The following ST6GALNAC3 variants were observed in gnomAD, a reference collection of about 807,000 sequenced individuals.
The protein encoded by ST6GALNAC3 is alpha-N-acetylgalactosaminide alpha-2,6-sialyltransferase 3.
ST6GALNAC3 carries 25 observed loss-of-function variants against 32.7 expected under a neutral mutation model. That is an observed-to-expected ratio of 0.76 (90% CI 0.56 to 1.07). The LOEUF is 1.07. Ranked by LOEUF, ST6GALNAC3 falls within the 50% of genes least tolerant of loss-of-function variation. ST6GALNAC3 has a pLI of 0.00. For synonymous variants in ST6GALNAC3, 129 were observed against 133.1 expected, an observed-to-expected ratio of 0.97 and a Z score of 0.21; for missense variants, 355 against 382.4, an observed-to-expected ratio of 0.93 and a Z score of 0.60.
chr1:76,155,537 G>A (rs1001305187), intron 1 of ST6GALNAC3, among the ~76,000 whole-genome samples: 20 of 151,968 alleles, frequency 1.3e-4, no homozygotes, highest in African/African-American at 3.6e-4. Context: ...GCGCAATCTC[G>A]GCTCACTGCA....
chr1:76,339,263 G>A (rs765847953), intron 2 of ST6GALNAC3, among the ~76,000 whole-genome samples: 2 of 152,070 alleles, frequency 1.3e-5, no homozygotes, highest in Non-Finnish European at 2.9e-5. Flanking sequence ...TTTCTGAGGG[G>A]GTCCTTGTAA....
intron 2 of ST6GALNAC3, among the ~76,000 whole-genome samples, chr1:76,360,880 T>C (rs926688435): frequency 6.6e-6 from 1 of 152,142 alleles, no homozygotes; most frequent in African/African-American, 2.4e-5. Flanking sequence ...ATTTAAACCT[T>C]TCCTTTCATG....
At chr1:76,399,804 A>T (rs143009224) in intron 2 of ST6GALNAC3, among the ~76,000 whole-genome samples, 1 of 152,210 alleles carries the variant, frequency 6.6e-6, no homozygotes, top group Non-Finnish European at 1.5e-5. Flanking sequence ...CACATCATTT[A>T]TTAGACTTAT....
At chr1:76,178,706 G>T (rs1652994497) in intron 1 of ST6GALNAC3, among the ~76,000 whole-genome samples, 1 of 152,144 alleles carries the variant, frequency 6.6e-6, no homozygotes, top group African/African-American at 2.4e-5. Flanking sequence ...ATGAGCTTTG[G>T]ATTCCTTTGT....
chr1:76,540,466 C>A (rs1663923680), intron 3 of ST6GALNAC3, among the ~76,000 whole-genome samples: 1 of 152,020 alleles, frequency 6.6e-6, no homozygotes, highest in Non-Finnish European at 1.5e-5. Flanking sequence ...ACATGTATCC[C>A]ATTTTTATTA....
At chr1:76,414,691 T>C (rs1330828796) in intron 3 of ST6GALNAC3, among the ~76,000 whole-genome samples, 5 of 152,104 alleles carry the variant, frequency 3.3e-5, no homozygotes, top group Admixed American at 6.6e-5. Flanking sequence ...TGGTTTCATC[T>C]ATACCCCTAC....
intron 1 of ST6GALNAC3, among the ~76,000 whole-genome samples, chr1:76,272,053 C>T (rs184536568): frequency 1.3e-3 from 197 of 152,006 alleles, no homozygotes; most frequent in South Asian, 2.5e-3. Flanking sequence ...TAAAGCCGGG[C>T]GCGGTGGCTC....
At chr1:76,244,056 A>G (rs1215188547) in intron 1 of ST6GALNAC3, among the ~76,000 whole-genome samples, 1 of 152,122 alleles carries the variant, frequency 6.6e-6, no homozygotes, top group African/African-American at 2.4e-5. Context: ...CATTTTCACA[A>G]TATTGATTCT....
At position 76,442,503 on chromosome 1, in the gene ST6GALNAC3, C is replaced by G. The variant is rs111751565; in HGVS notation, c.623+30086C>G. Among the ~76,000 whole-genome samples the G allele has an allele frequency of 5.0e-3, 764 of 152,286 alleles. 9 individuals are homozygous for G. Among genetic ancestry groups the G allele is most frequent in the African/African-American group, 0.017 (727 of 41,552 alleles). On this transcript the variant is annotated intron_variant, in intron 3 of 4. Transcript: ENST00000328299. ...TACTAAATTTTACTTTGTACACATC[C>G]TAGTGGCAATGTATTTGTGCTGTGA...
chr1:76,463,216 G>A (rs1439795223), intron 3 of ST6GALNAC3, among the ~76,000 whole-genome samples: 4 of 152,122 alleles, frequency 2.6e-5, no homozygotes, highest in African/African-American at 4.8e-5. Context: ...TTTTGTACTC[G>A]TCTTTAAATT....
chr1:76,301,543 T>C (rs1270708202), intron 1 of ST6GALNAC3, among the ~76,000 whole-genome samples: 1 of 152,046 alleles, frequency 6.6e-6, no homozygotes, highest in Admixed American at 6.6e-5. Context: ...AATGCAATAT[T>C]AAATTCAGAA....
intron 2 of ST6GALNAC3, among the ~76,000 whole-genome samples, chr1:76,318,631 G>A (rs1296361353): frequency 1.3e-5 from 2 of 152,080 alleles, no homozygotes; most frequent in South Asian, 2.1e-4. Flanking sequence ...AAATGACAAT[G>A]TGGAGATTCC....
chr1:76,494,537 T>A (rs1157155498), intron 3 of ST6GALNAC3, among the ~76,000 whole-genome samples: 2 of 118,352 alleles, frequency 1.7e-5, no homozygotes, highest in African/African-American at 6.5e-5. Context: ...TGAAAATATA[T>A]TTCATGTGTA....
chr1:76,445,242 A>T lies in ST6GALNAC3; in HGVS notation c.623+32825A>T, dbSNP rs558168106. 5.3e-5 allele frequency among the ~76,000 whole-genome samples: 8 copies of T among 152,284 alleles called. No homozygotes were observed. In the South Asian group the frequency reaches 1.5e-3, roughly 28 times the overall value. ...CAAACACTCTGTATATAACAATCTT[A>T]GTGTTCTTGGAAGTGTAGTCCCAGA... On this transcript the variant is annotated intron_variant, in intron 3 of 4. Transcript: ENST00000328299.
chr1:76,394,172 A>T (rs1557849966), intron 2 of ST6GALNAC3, among the ~76,000 whole-genome samples: 3 of 152,174 alleles, frequency 2.0e-5, no homozygotes, highest in East Asian at 3.8e-4. Flanking sequence ...GAAGTAGAGA[A>T]ATCTATGCAG....
intron 1 of ST6GALNAC3, among the ~76,000 whole-genome samples, chr1:76,172,247 A>G (rs1374882217): frequency 6.6e-6 from 1 of 152,232 alleles, no homozygotes; most frequent in Non-Finnish European, 1.5e-5. Context: ...CCACATGATT[A>G]TCTCAACAGA....
At chr1:76,216,768 G>A (rs1055917943) in intron 1 of ST6GALNAC3, among the ~76,000 whole-genome samples, 4 of 152,150 alleles carry the variant, frequency 2.6e-5, no homozygotes, top group African/African-American at 9.7e-5. Context: ...GTGTTGCTTT[G>A]TGTACAGTAA....
At chr1:76,379,448 C>G (rs1651530438) in intron 2 of ST6GALNAC3, among the ~76,000 whole-genome samples, 3 of 152,102 alleles carry the variant, frequency 2.0e-5, no homozygotes, top group Admixed American at 1.3e-4. Flanking sequence ...ATACAAAGGG[C>G]AGTTTAGAGT....
chr1:76,542,071 T>C (rs1204874426), intron 3 of ST6GALNAC3, among the ~76,000 whole-genome samples: 1 of 152,218 alleles, frequency 6.6e-6, no homozygotes, highest in East Asian at 1.9e-4. Flanking sequence ...TAAAAAATAG[T>C]GTTTTCCAAT....
Sources: gnomAD v4.1 joint callset for allele counts (sites outside exome capture counted in the v4.1 genomes callset) on GRCh38, gnomAD v4.1.1 for gene constraint, MANE v1.5 for transcripts, NCBI Gene and HGNC (gene_info 2026-07-23, HGNC 2026-07-21) for gene names.